The following TOR1AIP1 variants were observed in gnomAD, a reference collection of about 807,000 sequenced individuals.
TOR1AIP1 encodes torsin 1A interacting protein 1.
TOR1AIP1 carries 54 observed loss-of-function variants against 63.3 expected under a neutral mutation model. The ratio of observed to expected loss-of-function variants is 0.85; its 90% CI spans 0.69 to 1.07. The LOEUF is 1.07. TOR1AIP1 is among the 50% of genes least tolerant of loss of function. The pLI, the probability that TOR1AIP1 is intolerant of heterozygous loss-of-function variation, is 0.00. For missense variants in TOR1AIP1, 736 were observed against 715.0 expected, an observed-to-expected ratio of 1.03 and a Z score of -0.33; for synonymous variants, 294 against 273.5, an observed-to-expected ratio of 1.07 and a Z score of -0.74.
At chr1:179,883,443 G>A (rs1448951578) in intron 1 of TOR1AIP1, among the ~76,000 whole-genome samples, 1 of 152,192 alleles carries the variant, frequency 6.6e-6, no homozygotes, top group East Asian at 1.9e-4. Flanking sequence ...CCTCACCCAG[G>A]TGGGCAGAGA....
At chr1:179,883,197 G>A (rs1647796295) in intron 1 of TOR1AIP1, 2 of 588,760 alleles carry the variant, frequency 3.4e-6, no homozygotes, top group Non-Finnish European at 6.0e-6. Flanking sequence ...TGGTCGTGTG[G>A]AGCGACCCGG....
chr1:179,887,605 G>A (rs1183352318), intron 2 of TOR1AIP1, among the ~76,000 whole-genome samples: 1 of 151,998 alleles, frequency 6.6e-6, no homozygotes, highest in African/African-American at 2.4e-5. Flanking sequence ...AATCAATTCA[G>A]GTTATATATA....
intron 1 of TOR1AIP1, chr1:179,883,762 T>G (rs867484269): frequency 2.2e-6 from 1 of 452,826 alleles, no homozygotes; most frequent in Middle Eastern, 3.3e-4. Context: ...GCTGACAAAG[T>G]GAGTGTATAG....
intron 8 of TOR1AIP1, among the ~76,000 whole-genome samples, chr1:179,910,645 A>G (rs999803171): frequency 6.6e-6 from 1 of 152,224 alleles, no homozygotes; most frequent in African/African-American, 2.4e-5. Context: ...GCTTATTAGA[A>G]TTATGTTTAT....
chr1:179,883,826 G>GCC (rs199863731), intron 1 of TOR1AIP1: 10 of 333,664 alleles, frequency 3.0e-5, no homozygotes, highest in African/African-American at 2.3e-4. Flanking sequence ...CTCCCACCCT[G>GCC]CCCCCCCCAT....
At chr1:179,899,223 C>T (rs532339906) in intron 3 of TOR1AIP1, among the ~76,000 whole-genome samples, 1 of 151,196 alleles carries the variant, frequency 6.6e-6, no homozygotes, top group South Asian at 2.1e-4. Flanking sequence ...TATTTTAACC[C>T]AATTGTGAAA....
chr1:179,913,440 G>T (rs2148482332), intron 8 of TOR1AIP1: 1 of 595,458 alleles, frequency 1.7e-6, no homozygotes, highest in East Asian at 2.8e-5. Flanking sequence ...ACTAGTATTT[G>T]AAATGGTCAG....
At chr1:179,902,299 T>G (rs190359061) in intron 5 of TOR1AIP1, among the ~76,000 whole-genome samples, 1 of 152,264 alleles carries the variant, frequency 6.6e-6, no homozygotes, top group African/African-American at 2.4e-5. Flanking sequence ...GTGCTGAGAT[T>G]ACAGGCCTGA....
rs773988401 is a variant in TOR1AIP1 at position 179,882,667 on chromosome 1, G to T, written c.165G>T (p.Arg55=). 6.3e-7 allele frequency: 1 copy of T among 1,591,916 alleles called. No individual in the cohort carries two copies. Among genetic ancestry groups the T allele is most frequent in the South Asian group, 1.1e-5 (1 of 88,882 alleles). The part of the protein sequence containing the change: ...YRTPPSRQGR[R]EVRFSDEPPE... ...CTCCTCCGTCGCGCCAGGGCCGGCG[G>T]GAAGTGAGGTTCTCGGACGAGCCGC... Residue 55 remains arginine, a synonymous_variant, in exon 1 of 10, where the codon CGG becomes CGT. Transcript: ENST00000606911.
intron 3 of TOR1AIP1, among the ~76,000 whole-genome samples, chr1:179,897,337 C>G (rs1475375152): frequency 6.6e-6 from 1 of 152,048 alleles, no homozygotes. Context: ...AATTAGATAA[C>G]ACATAGATAA....
rs1316021675 is a variant in TOR1AIP1, at chr1:179,882,504, TGGCGGGC to T, written c.4_10del (p.Ala2_?4). ...TCGACTAAAGCTACGTCAACAACTATGGCGGGCGACGGGCGGCGGGCAGAGGCGGTGC... is the reference window on the plus strand; with the variant it reads ...TCGACTAAAGCTACGTCAACAACTATGACGGGCGGCGGGCAGAGGCGGTGC... On this transcript the variant is annotated frameshift_variant and start_lost, in exon 1 of 10. Coordinates refer to ENST00000606911, the MANE Select transcript of TOR1AIP1 (RefSeq NM_015602.4). LOFTEE classifies it high-confidence loss of function. The T allele has an allele frequency of 2.1e-6, 3 of 1,454,500 alleles. No individual in the cohort carries two copies. The highest frequency in any genetic ancestry group is 2.7e-6 in the Non-Finnish European group (3 of 1,103,528). 90.1% of individuals were successfully genotyped at this position (1,454,500 alleles called of 1,614,324 possible).
At position 179,882,987 on chromosome 1, in the gene TOR1AIP1, G is replaced by A. The variant is rs764619883; in HGVS notation, c.475+10G>A. The A allele has an allele frequency of 1.2e-6, 2 of 1,602,084 alleles. No individual in the cohort carries two copies. Among genetic ancestry groups the A allele is most frequent in the Non-Finnish European group, 1.7e-6 (2 of 1,175,146 alleles). Reference sequence around the variant, plus strand: ...TCTCATTCCTCTGAAGGTGAGGACCGCGGAGGTAACAGTCCCAGCCGCGAG... The same window carrying A: ...TCTCATTCCTCTGAAGGTGAGGACCACGGAGGTAACAGTCCCAGCCGCGAG... On this transcript the variant is annotated intron_variant, in intron 1 of 9. Coordinates refer to ENST00000606911, the MANE Select transcript of TOR1AIP1 (RefSeq NM_015602.4).
rs760746793 is a variant in TOR1AIP1 at position 179,901,248 on chromosome 1, G to C, written c.653-54G>C. ...TATTTGCTTGGTTTTTTTAAATTCA[G>C]ATCTTCTGAGCATTAAAATAGACTA... On this transcript the variant is annotated intron_variant, in intron 4 of 9. Coordinates refer to ENST00000606911, the MANE Select transcript of TOR1AIP1 (RefSeq NM_015602.4). The C allele has an allele frequency of 3.3e-6, 4 of 1,199,490 alleles. No homozygotes were observed. In the Admixed American group the frequency reaches 9.3e-5, roughly 28 times the overall value. The allele number at this position is 1,199,490 out of a possible 1,614,324, so 74.3% of individuals were successfully genotyped here.
Position 179,915,792 on chromosome 1 carries a change from G to A in TOR1AIP1, c.965-1660G>A, listed in dbSNP as rs72708666. ...AAAGAAAGTGTTAAAGTACAATATTGGGAGTTGTCAAGCTCATGGTGGCAG... is the reference window on the plus strand; with the variant it reads ...AAAGAAAGTGTTAAAGTACAATATTAGGAGTTGTCAAGCTCATGGTGGCAG... On this transcript the variant is annotated intron_variant, in intron 9 of 9. Coordinates refer to ENST00000606911, the MANE Select transcript of TOR1AIP1 (RefSeq NM_015602.4). 3.7e-3 allele frequency among the ~76,000 whole-genome samples: 561 copies of A among 152,148 alleles called. 5 individuals are homozygous for A. Among genetic ancestry groups the A allele is most frequent in the South Asian group, 0.032 (155 of 4,812 alleles).
At chr1:179,887,078 C>T (rs550415275) in intron 2 of TOR1AIP1, among the ~76,000 whole-genome samples, 92 of 152,184 alleles carry the variant, frequency 6.0e-4, no homozygotes, top group Middle Eastern at 6.8e-3. Context: ...TGTGGTCTGA[C>T]AGAAAATTAT....
At chr1:179,903,173 A>G (rs183733014) in intron 5 of TOR1AIP1, among the ~76,000 whole-genome samples, 127 of 152,202 alleles carry the variant, frequency 8.3e-4, no homozygotes, top group African/African-American at 2.7e-3. Flanking sequence ...ATAGGTACCT[A>G]TAGTCCCAGA....
At position 179,882,433 on chromosome 1, in the gene TOR1AIP1, C is replaced by T; in HGVS notation, c.-70C>T. 7.4e-7 allele frequency: 1 copy of T among 1,349,256 alleles called. No homozygotes were observed. The allele number at this position is 1,349,256 out of a possible 1,614,324, so 83.6% of individuals were successfully genotyped here. On this transcript the variant is annotated 5_prime_UTR_variant, in exon 1 of 10. Transcript: ENST00000606911. ...GCCCAACACCCCCGAGAAGCCATCG[C>T]CACCACCGGCAGGAGAACCTAGGGT... is the stretch of plus-strand genomic sequence containing the variant.
chr1:179,917,984 A>G lies in TOR1AIP1; in HGVS notation c.1497A>G (p.Glu499=), dbSNP rs777365971. ...TCTTCTACAAATATTGTGACCATGA[A>G]AACGCGGCCTTCAAAGATGTAGCCT... ...TLIFYKYCDH[E]NAAFKDVALV... The change falls in exon 10 of 10, where the codon GAA becomes GAG. Residue 499 remains glutamate, a synonymous_variant. Transcript: ENST00000606911. The G allele has an allele frequency of 5.0e-6, 8 of 1,614,214 alleles. No homozygotes were observed. The South Asian group carries it at 8.8e-5, about 18-fold the overall frequency.
At chr1:179,906,955 T>C (rs1043797695) in intron 6 of TOR1AIP1, among the ~76,000 whole-genome samples, 1 of 151,476 alleles carries the variant, frequency 6.6e-6, no homozygotes, top group African/African-American at 2.4e-5. Context: ...GCCAGGATGG[T>C]CTCGATCTCC....
Sources: gnomAD v4.1 joint callset for allele counts (sites outside exome capture counted in the v4.1 genomes callset) on GRCh38, gnomAD v4.1.1 for gene constraint, MANE v1.5 for transcripts, NCBI Gene and HGNC (gene_info 2026-07-23, HGNC 2026-07-21) for gene names.